The following HHLA1 variants were observed in gnomAD, a reference collection of about 807,000 sequenced individuals.
HHLA1 encodes the protein HHLA1 neighbor of OC90, also known as HERV-H LTR-associating protein 1.
HHLA1 carries 72 observed loss-of-function variants against 69.9 expected under a neutral mutation model. The observed-to-expected ratio is 1.03, with a 90% CI of 0.85 to 1.25. The LOEUF (loss-of-function observed/expected upper bound fraction) is 1.25. Ranked by LOEUF, HHLA1 falls within the 50% of genes most tolerant of loss-of-function variation. HHLA1 has a pLI of 0.00. For missense variants in HHLA1, 685 were observed against 642.2 expected (o/e 1.07, Z -0.72); for synonymous variants, 252 against 233.2 (o/e 1.08, Z -0.73).
At chr8:132,097,594 A>G (rs1392859836) in intron 5 of HHLA1, among the ~76,000 whole-genome samples, 1 of 152,202 alleles carries the variant, frequency 6.6e-6, no homozygotes, top group Non-Finnish European at 1.5e-5. Flanking sequence ...CTTGCAGAGG[A>G]AAGGACAGGA....
At chr8:132,082,011 C>T (rs983774360) in intron 10 of HHLA1, among the ~76,000 whole-genome samples, 58 of 151,890 alleles carry the variant, frequency 3.8e-4, no homozygotes, top group Non-Finnish European at 7.4e-4. Context: ...GGGTGAGGAA[C>T]AGGAAAGAAG....
At position 132,099,063 on chromosome 8, in the gene HHLA1, A is replaced by G. The variant is rs904212189; in HGVS notation, c.200-101T>C. The G allele has an allele frequency of 1.6e-5, 13 of 836,560 alleles. 1 individual carries two copies. In the East Asian group the frequency reaches 3.3e-4, roughly 21 times the overall value. The allele number at this position is 836,560 out of a possible 1,614,324, so 51.8% of individuals were successfully genotyped here. On this transcript the variant is annotated intron_variant, in intron 4 of 16. Coordinates refer to ENST00000414222, the MANE Select transcript of HHLA1 (RefSeq NM_001145095.3). ...AGGCAGATATTCAACTTCTTTGCACATGTGCTGAAAACAAACCAAGTGCCA... is the reference window on the plus strand; with the variant it reads ...AGGCAGATATTCAACTTCTTTGCACGTGTGCTGAAAACAAACCAAGTGCCA...
intron 8 of HHLA1, among the ~76,000 whole-genome samples, 168 bp from the exon 9 acceptor site, chr8:132,088,069 T>G (rs113858722): frequency 7.0e-4 from 106 of 152,360 alleles, no homozygotes; most frequent in African/African-American, 2.5e-3. Context: ...CTTTATTTTA[T>G]TTGGCTGGGT....
intron 5 of HHLA1, 117 bp from the exon 6 acceptor site, chr8:132,095,903 TAAAG>T (rs1394792832): frequency 3.2e-5 from 19 of 595,422 alleles, no homozygotes; most frequent in Admixed American, 6.8e-5. Flanking sequence ...ATGATGAAAA[TAAAG>T]AAACAAACAA....
chr8:132,098,029 T>C (rs1824050904), intron 5 of HHLA1, among the ~76,000 whole-genome samples: 1 of 152,244 alleles, frequency 6.6e-6, no homozygotes, highest in Non-Finnish European at 1.5e-5. Context: ...CTTCACCCAA[T>C]AGAATGGAAG....
chr8:132,092,838 G>A (rs779943285), intron 7 of HHLA1, among the ~76,000 whole-genome samples: 1 of 152,210 alleles, frequency 6.6e-6, no homozygotes, highest in Non-Finnish European at 1.5e-5. Context: ...TAGCTGGAGT[G>A]TGAATGTGCT....
intron 7 of HHLA1, among the ~76,000 whole-genome samples, chr8:132,094,192 G>GT (rs34512224): frequency 0.88 from 134,031 of 152,148 alleles, 59,665 homozygotes; most frequent in Middle Eastern, 0.95. Flanking sequence ...ATGGTGGAAG[G>GT]GTTAATATTA....
intron 10 of HHLA1, chr8:132,080,197 G>T: frequency 1.5e-6 from 1 of 653,062 alleles, no homozygotes; most frequent in South Asian, 1.5e-5. Context: ...TTTGGAAGAG[G>T]AATTAGTCTC....
At position 132,103,943 on chromosome 8, in the gene HHLA1, G is replaced by A. The variant is rs1479583476; in HGVS notation, c.139+165C>T. 3 of 574,400 alleles carry A rather than the reference G, an allele frequency of 5.2e-6. No homozygotes were observed. The African/African-American group carries it at 5.6e-5, about 11-fold the overall frequency. 35.6% of individuals were successfully genotyped at this position (574,400 alleles called of 1,614,324 possible). A position where few individuals can be genotyped will look rare whatever the true frequency, so the allele number is the denominator to read the frequency against. ...TTTATTAAGATCACAAGGATTCAAT[G>A]AACCATAAAGAAATGAGTAGCTCAC... is the stretch of plus-strand genomic sequence containing the variant. On this transcript the variant is annotated intron_variant, in intron 3 of 16. Transcript: ENST00000414222.
chr8:132,078,218 T>C (rs1034475475), intron 11 of HHLA1, among the ~76,000 whole-genome samples: 3 of 149,338 alleles, frequency 2.0e-5, no homozygotes, highest in Non-Finnish European at 4.5e-5. Flanking sequence ...ACACAACCTC[T>C]AAATCTCTAG....
chr8:132,103,013 C>T (rs750301149), intron 3 of HHLA1, among the ~76,000 whole-genome samples: 8 of 152,060 alleles, frequency 5.3e-5, no homozygotes, highest in Non-Finnish European at 1.0e-4. Context: ...AAAAGACCAC[C>T]ATAATAAAAG....
intron 1 of HHLA1, 67 bp from the exon 2 acceptor site, chr8:132,105,353 T>C (rs1824186406): frequency 3.0e-6 from 3 of 990,970 alleles, no homozygotes; most frequent in Non-Finnish European, 4.7e-6. Flanking sequence ...TTGAGAACAG[T>C]GCGTGAGGAA....
chr8:132,109,219 C>A (rs992408597), intron 1 of HHLA1, among the ~76,000 whole-genome samples: 24 of 152,266 alleles, frequency 1.6e-4, no homozygotes, highest in African/African-American at 5.5e-4. Flanking sequence ...CTTGGCCAGG[C>A]TGGTCTTGAA....
At chr8:132,091,666 C>T (rs553587652) in intron 7 of HHLA1, among the ~76,000 whole-genome samples, 4 of 152,214 alleles carry the variant, frequency 2.6e-5, no homozygotes, top group Non-Finnish European at 4.4e-5. Flanking sequence ...TACCTTCATA[C>T]ATAAATAGAA....
chr8:132,100,680 G>GGTAAATTCACC (rs1824097065), intron 3 of HHLA1, among the ~76,000 whole-genome samples: 1 of 152,228 alleles, frequency 6.6e-6, no homozygotes, highest in Non-Finnish European at 1.5e-5. Flanking sequence ...AACTGGTAAA[G>GGTAAATTCACC]GGGAATGAAC....
chr8:132,095,876 T>A, intron 5 of HHLA1, 90 bp from the exon 6 acceptor site: 1 of 664,220 alleles, frequency 1.5e-6, no homozygotes, highest in South Asian at 2.8e-5. Flanking sequence ...AAATTAACAA[T>A]GCCAATAAAG....
At chr8:132,103,996 G>A (rs1293868189) in intron 3 of HHLA1, 112 bp downstream of exon 3, 4 of 721,856 alleles carry the variant, frequency 5.5e-6, no homozygotes, top group Non-Finnish European at 1.0e-5. Flanking sequence ...CTATTAGAGT[G>A]TTAGATGCGG....
At chr8:132,075,780 A>G (rs112706583) in intron 14 of HHLA1, among the ~76,000 whole-genome samples, 1 of 152,188 alleles carries the variant, frequency 6.6e-6, no homozygotes, top group African/African-American at 2.4e-5. Context: ...TTCCACAAAC[A>G]TTATCTTACT....
At chr8:132,074,366 G>A (rs533686637) in intron 14 of HHLA1, among the ~76,000 whole-genome samples, 49 of 151,960 alleles carry the variant, frequency 3.2e-4, no homozygotes, top group Non-Finnish European at 1.2e-4. Flanking sequence ...CTTGGAAAAG[G>A]TGACACAGAG....
Sources: allele counts gnomAD v4.1 joint callset (sites outside exome capture counted in the v4.1 genomes callset), GRCh38; gene constraint gnomAD v4.1.1; transcripts MANE v1.5; gene names NCBI Gene and HGNC (gene_info 2026-07-23, HGNC 2026-07-21).